Variants in B9D1 observed in about 807,000 individuals in gnomAD.
B9D1 encodes the protein B9 domain-containing protein 1.
B9D1 carries 20 observed loss-of-function variants against 26.1 expected under a neutral mutation model. The ratio of observed to expected loss-of-function variants is 0.77; its 90% CI spans 0.54 to 1.12. The LOEUF is 1.12. Among genes scored for constraint, B9D1 ranks in the 50% most tolerant of loss-of-function variants. The pLI, the probability that B9D1 is intolerant of heterozygous loss-of-function variation, is 0.00. For synonymous variants in B9D1, 105 were observed against 103.1 expected, an observed-to-expected ratio of 1.02 and a Z score of -0.11; for missense variants, 260 against 273.7, an observed-to-expected ratio of 0.95 and a Z score of 0.35.
chr17:19,334,766 T>C (rs1011950576), downstream of B9D1: 3 of 153,256 alleles, frequency 2.0e-5, no homozygotes, highest in Admixed American at 1.3e-4. This position sits in a 1 kb window ranked among gnomAD's most constrained non-coding sequence, Gnocchi z 4.9. Context: ...ACCACCACCG[T>C]GGACAACTCT....
At chr17:19,362,799 T>C (rs1233085755), upstream of B9D1, 3 of 1,320,748 alleles carry the variant, frequency 2.3e-6, no homozygotes, top group South Asian at 1.3e-5. Context: ...GCTCCACCCC[T>C]CCTTAGGGCA....
rs1911941883 is a variant in B9D1, at chr17:19,372,504, G to A, written c.-298+5355C>T. 6.6e-6 allele frequency among the ~76,000 whole-genome samples: 1 copy of A among 152,200 alleles called. No homozygotes were observed. The highest frequency in any genetic ancestry group is 2.4e-5 in the African/African-American group (1 of 41,446). On this transcript the variant is annotated intron_variant, in intron 1 of 5. Coordinates refer to the B9D1 transcript ENST00000477478. The surrounding 1 kb of genome is among the most constrained non-coding windows in gnomAD (Gnocchi z 4.4). The stretch of plus-strand genomic sequence containing the variant: ...CCTTTGCCCCCACTGTCCCTCTGCT[G>A]CCGCATGCTCGTCTATTAGGTCCTG...
chr17:19,362,752 A>AG (rs3215866), upstream of B9D1: 15 of 1,195,590 alleles, frequency 1.3e-5, no homozygotes, highest in Admixed American at 9.0e-5. Flanking sequence ...CGCCGTTATA[A>AG]GGGGGCGGGG....
upstream of B9D1, chr17:19,362,947 C>G (rs1485142521): frequency 1.1e-5 from 4 of 364,132 alleles, no homozygotes; most frequent in African/African-American, 8.5e-5. Flanking sequence ...AGCGCAGAGG[C>G]GAATGAGAGC....
rs932842451 is a variant in B9D1, at chr17:19,368,524, G to A, written c.-297-8136C>T. On this transcript the variant is annotated intron_variant, in intron 1 of 5. Transcript: ENST00000477478. ...AGGAACATAAGATCCCTACTAGTAG[G>A]GCTCAGTAAATGTCAGCAATGGTCT... 3.3e-5 allele frequency among the ~76,000 whole-genome samples: 5 copies of A among 152,142 alleles called. No individual in the cohort carries two copies. In the East Asian group the frequency reaches 9.6e-4, roughly 29 times the overall value.
At chr17:19,350,755 T>C (rs764133711) in intron 3 of B9D1, among the ~76,000 whole-genome samples, 6 of 152,180 alleles carry the variant, frequency 3.9e-5, no homozygotes, top group Non-Finnish European at 8.8e-5. Context: ...CTTCCTTCTA[T>C]TCCTAGTTTA....
chr17:19,343,159 A>G, downstream of B9D1: 6 of 1,446,504 alleles, frequency 4.1e-6, no homozygotes, highest in Middle Eastern at 5.1e-4. Context: ...GAGAGAAGGC[A>G]GCCCCAGGCC....
downstream of B9D1, chr17:19,335,585 G>T: frequency 1.9e-6 from 2 of 1,035,252 alleles, no homozygotes; most frequent in South Asian, 3.9e-5. Flanking sequence ...GTGCCCACGG[G>T]TCCCTGGGCA....
chr17:19,339,983 T>C (rs1394979012), downstream of B9D1, among the ~76,000 whole-genome samples: 1 of 149,120 alleles, frequency 6.7e-6, no homozygotes, highest in African/African-American at 2.5e-5. Context: ...AGCGTGGACC[T>C]GCAGGCCGTA....
intron 1 of B9D1, chr17:19,371,534 C>CA (rs1381000514): frequency 6.6e-6 from 1 of 152,230 alleles, no homozygotes; most frequent in Admixed American, 6.5e-5. Flanking sequence ...GATGGGATTA[C>CA]AATTCAGTCC....
At chr17:19,339,253 A>G (rs1043217284), downstream of B9D1, among the ~76,000 whole-genome samples, 1 of 151,990 alleles carries the variant, frequency 6.6e-6, no homozygotes, top group Non-Finnish European at 1.5e-5. Flanking sequence ...TCTGCTTGCA[A>G]ACTAGCCAGT....
intron 5 of B9D1, among the ~76,000 whole-genome samples, chr17:19,345,563 C>G (rs938522043): frequency 2.0e-5 from 3 of 152,272 alleles, no homozygotes; most frequent in Middle Eastern, 3.4e-3. Flanking sequence ...GATGAGGCCA[C>G]AAGCCAAGGA....
intron 5 of B9D1, among the ~76,000 whole-genome samples, chr17:19,346,097 G>A (rs1395339920): frequency 6.6e-6 from 1 of 152,232 alleles, no homozygotes; most frequent in Non-Finnish European, 1.5e-5. Context: ...GGCTGTGTGG[G>A]TCCCCAGTCT....
downstream of B9D1, among the ~76,000 whole-genome samples, chr17:19,342,209 G>A (rs1246375621): frequency 1.3e-5 from 2 of 152,200 alleles, no homozygotes; most frequent in African/African-American, 2.4e-5. Flanking sequence ...CCAGAAGGCA[G>A]AGGGAACTTC....
At position 19,362,581 on chromosome 17, in the gene B9D1, G is replaced by A; in HGVS notation, c.-12C>T. The A allele has an allele frequency of 6.3e-7, 1 of 1,587,446 alleles. No homozygotes were observed. Among genetic ancestry groups the A allele is most frequent in the Non-Finnish European group, 8.6e-7 (1 of 1,166,940 alleles). On this transcript the variant is annotated 5_prime_UTR_variant, in exon 1 of 7. Coordinates refer to ENST00000261499, the MANE Select transcript of B9D1 (RefSeq NM_015681.6). ...CTCGCGGTCGCCATGGCAGGTCTGGGGGTGCCGGGGGGACCCACCTAGGCC... is the reference window on the plus strand; with the variant it reads ...CTCGCGGTCGCCATGGCAGGTCTGGAGGTGCCGGGGGGACCCACCTAGGCC...
chr17:19,341,288 C>T (rs1907933675), downstream of B9D1: 3 of 1,231,848 alleles, frequency 2.4e-6, no homozygotes, highest in Non-Finnish European at 2.0e-6. Context: ...GAGGTGAGGC[C>T]ATGGACAGAG....
At chr17:19,337,641 G>A (rs371538369), downstream of B9D1, 13 of 1,374,458 alleles carry the variant, frequency 9.5e-6, no homozygotes, top group Non-Finnish European at 1.3e-5. Flanking sequence ...ACATCTCCAG[G>A]TCTCAGCGGC....
At chr17:19,355,681 A>T (rs556048629) in intron 3 of B9D1, among the ~76,000 whole-genome samples, 89 of 152,092 alleles carry the variant, frequency 5.9e-4, no homozygotes, top group African/African-American at 2.0e-3. Flanking sequence ...TACAAAAAAA[A>T]AAATTAGCCG....
downstream of B9D1, among the ~76,000 whole-genome samples, chr17:19,341,696 C>T (rs563870959): frequency 7.2e-5 from 11 of 152,156 alleles, no homozygotes; most frequent in South Asian, 1.7e-3. Flanking sequence ...ATGGATGGAA[C>T]GCGAGCCGTT....
Sources: gnomAD v4.1 joint callset for allele counts (sites outside exome capture counted in the v4.1 genomes callset) on GRCh38, gnomAD v4.1.1 for gene constraint, Gnocchi (gnomAD v3.1) non-coding constraint, MANE v1.5 for transcripts, NCBI Gene and HGNC (gene_info 2026-07-23, HGNC 2026-07-21) for gene names.